ZNF790: variants seen among roughly 807,000 people sequenced by gnomAD.
ZNF790 encodes the protein zinc finger protein 790.
ZNF790 carries 8 observed loss-of-function variants against 12.1 expected under a neutral mutation model. That is an observed-to-expected ratio of 0.66 (90% CI 0.39 to 1.19). The LOEUF is 1.19. Among genes scored for constraint, ZNF790 ranks in the 50% most tolerant of loss-of-function variants. The pLI, the probability that ZNF790 is intolerant of heterozygous loss-of-function variation, is 0.01. For synonymous variants in ZNF790, 252 were observed against 244.3 expected (o/e 1.03, Z -0.29); for missense variants, 707 against 752.2 (o/e 0.94, Z 0.70).
chr19:36,822,879 C>T (rs2071705985), intron 4 of ZNF790, among the ~76,000 whole-genome samples: 2 of 151,860 alleles, frequency 1.3e-5, no homozygotes, highest in Non-Finnish European at 2.9e-5. Context: ...GAGACAGAGT[C>T]TCACTCTGTC....
At chr19:36,824,066 T>G (rs62114322) in intron 2 of ZNF790, among the ~76,000 whole-genome samples, 45 of 147,020 alleles carry the variant, frequency 3.1e-4, no homozygotes, top group African/African-American at 1.0e-3. Context: ...GTGCAATCTC[T>G]GATCACTGCA....
At chr19:36,835,193 G>A (rs1342742062) in intron 1 of ZNF790, among the ~76,000 whole-genome samples, 1 of 152,154 alleles carries the variant, frequency 6.6e-6, no homozygotes, top group Non-Finnish European at 1.5e-5. Context: ...GGAGCCTGAG[G>A]CAGGAGAATT....
intron 1 of ZNF790, among the ~76,000 whole-genome samples, chr19:36,848,909 T>C (rs2146100632): frequency 6.6e-6 from 1 of 152,296 alleles, no homozygotes; most frequent in African/African-American, 2.4e-5. Flanking sequence ...TTCTCCTGCG[T>C]CAGCCTCCAA....
chr19:36,831,864 C>T (rs529510048), intron 1 of ZNF790, among the ~76,000 whole-genome samples: 76 of 151,872 alleles, frequency 5.0e-4, no homozygotes, highest in South Asian at 2.3e-3. Context: ...TGAAAATGAA[C>T]CAAAATAGTA....
At chr19:36,821,021 T>C (rs1199172742) in intron 4 of ZNF790, among the ~76,000 whole-genome samples, 1 of 149,358 alleles carries the variant, frequency 6.7e-6, no homozygotes, top group Non-Finnish European at 1.5e-5. Context: ...TAGCATTAGG[T>C]GTATCTCCTA....
upstream of ZNF790, among the ~76,000 whole-genome samples, chr19:36,840,117 A>C (rs528752173): frequency 9.1e-4 from 139 of 152,338 alleles, no homozygotes; most frequent in African/African-American, 3.3e-3. Flanking sequence ...AAATGCAATC[A>C]AATTGTACAA....
chr19:36,843,998 A>G (rs1406286250), intron 1 of ZNF790, among the ~76,000 whole-genome samples: 5 of 139,200 alleles, frequency 3.6e-5, no homozygotes, highest in Non-Finnish European at 7.7e-5. Context: ...CAAGAGCGAA[A>G]CTCCATCTCA....
At chr19:36,823,574 C>T (rs1600650620) in intron 3 of ZNF790, 93 bp downstream of exon 3, 1 of 1,516,816 alleles carries the variant, frequency 6.6e-7, no homozygotes, top group Non-Finnish European at 9.0e-7. Context: ...TTCTAAAAAA[C>T]AAAGGTCAGA....
intron 1 of ZNF790, among the ~76,000 whole-genome samples, chr19:36,843,987 A>G (rs1047919823): frequency 6.7e-6 from 1 of 148,982 alleles, no homozygotes; most frequent in Non-Finnish European, 1.5e-5. Context: ...AGCCTTGGCA[A>G]CAAGAGCGAA....
exon 1 of ZNF790, chr19:36,850,180 GCA>G (rs1213743839): frequency 3.3e-5 from 5 of 152,302 alleles, no homozygotes; most frequent in African/African-American, 4.8e-5. Context: ...AGCCTCCGGG[GCA>G]CAGTTAGTCT....
chr19:36,835,877 A>G (rs1474651171), intron 1 of ZNF790, among the ~76,000 whole-genome samples: 1 of 151,858 alleles, frequency 6.6e-6, no homozygotes, highest in African/African-American at 2.4e-5. Context: ...CTCAGCCAGG[A>G]AAGGTTCACT....
At chr19:36,839,660 G>A (rs1180316625), upstream of ZNF790, among the ~76,000 whole-genome samples, 2 of 152,096 alleles carry the variant, frequency 1.3e-5, no homozygotes, top group Non-Finnish European at 2.9e-5. Context: ...ACAAAGTACT[G>A]GCATTACAGG....
In ZNF790 at chr19:36,819,357, C is replaced by G; in HGVS notation, c.987G>C (p.Gln329His). ...FSQRSHLIKH[Q>H]RIHTGEKPYE... ...AAGGTTTTTCACCAGTGTGAATTCT[C>G]TGATGTTTAATAAGATGTGATCGCT... The change falls in exon 5 of 5, where the codon CAG becomes CAC. Residue 329 changes from glutamine (Q) to histidine (H), a missense_variant. Physicochemically the swap from Gln to His is conservative, Grantham distance 24. Coordinates refer to ENST00000356725, the MANE Select transcript of ZNF790 (RefSeq NM_206894.4). 1.2e-6 allele frequency: 2 copies of G among 1,613,000 alleles called. No homozygotes were observed. Among genetic ancestry groups the G allele is most frequent in the Non-Finnish European group, 1.7e-6 (2 of 1,179,362 alleles).
intron 1 of ZNF790, among the ~76,000 whole-genome samples, chr19:36,845,777 G>A (rs1413532548): frequency 6.6e-6 from 1 of 151,652 alleles, no homozygotes; most frequent in Non-Finnish European, 1.5e-5. Flanking sequence ...ACAGCACAAA[G>A]ATTTATAAAG....
intron 4 of ZNF790, among the ~76,000 whole-genome samples, chr19:36,821,586 T>C (rs565463629): frequency 2.0e-5 from 3 of 152,084 alleles, no homozygotes; most frequent in Non-Finnish European, 4.4e-5. Context: ...TATTTATTTA[T>C]TTATTTATTT....
Position 36,820,005 on chromosome 19 carries a change from G to A in ZNF790, c.339C>T (p.Asp113=). 2 of 1,613,948 alleles carry A rather than the reference G, an allele frequency of 1.2e-6. No homozygotes were observed. The highest frequency in any genetic ancestry group is 1.7e-6 in the Non-Finnish European group (2 of 1,180,014). The change falls in exon 5 of 5, where the codon GAC becomes GAT. Residue 113 remains aspartate (D), a synonymous_variant. Coordinates refer to ENST00000356725, the MANE Select transcript of ZNF790 (RefSeq NM_206894.4). ...CCCAGTCACCTCTAAAACATAAACA[G>A]TCAAGGCTGTGGTTTTTACAAATTC... The part of the protein sequence containing the change: ...IMRICKNHSL[D]CLCFRGDWEG...
At chr19:36,826,833 C>G (rs1382128295) in intron 1 of ZNF790, among the ~76,000 whole-genome samples, 1 of 149,998 alleles carries the variant, frequency 6.7e-6, no homozygotes, top group East Asian at 2.0e-4. Flanking sequence ...CAAACCAAAA[C>G]TAGTTTTTAA....
rs557229674 is a variant in ZNF790 at position 36,849,541 on chromosome 19, CT to C, written c.-74+460del. ...TTTAAACTACTTGGAGTACTCATAACTGATTTTGTACTCTAGTTCAGAAGAA... is the reference window on the plus strand; with the variant it reads ...TTTAAACTACTTGGAGTACTCATAACGATTTTGTACTCTAGTTCAGAAGAA... On this transcript the variant is annotated intron_variant, in intron 1 of 4. Coordinates refer to the ZNF790 transcript ENST00000528994. Among the ~76,000 whole-genome samples the C allele has an allele frequency of 7.0e-4, 106 of 151,922 alleles. 2 individuals carry two copies. Among genetic ancestry groups the C allele is most frequent in the Admixed American group, 4.1e-3 (63 of 15,232 alleles).
chr19:36,818,747 G>A lies in ZNF790; in HGVS notation c.1597C>T (p.Pro533Ser), dbSNP rs371961628. 2.0e-5 allele frequency: 32 copies of A among 1,611,934 alleles called. 1 individual carries two copies. The South Asian group carries it at 3.3e-4, about 17-fold the overall frequency. The change falls in exon 5 of 5, where the codon CCT (proline) becomes TCT (serine). Residue 533 changes from proline (P) to serine (S), a missense_variant. By Grantham distance (74) the Pro-to-Ser change is moderately conservative. Transcript: ENST00000356725. ...RHQRMHTGEE[P>S]YVCKECGKSF... ...TTCCCACATTCTTTACATACGTAAG[G>A]TTCCTCACCAGTATGCATTCTCTGA...
Sources: allele counts gnomAD v4.1 joint callset (sites outside exome capture counted in the v4.1 genomes callset), GRCh38; gene constraint gnomAD v4.1.1; transcripts MANE v1.5; gene names NCBI Gene and HGNC (gene_info 2026-07-23, HGNC 2026-07-21).